NKD2: variants seen among roughly 807,000 people sequenced by gnomAD.
The protein encoded by NKD2 is NKD inhibitor of Wnt signaling pathway 2, also known as protein naked cuticle homolog 2.
Under a neutral mutation model 34.8 loss-of-function variants are expected in NKD2, and 43 were observed. The ratio of observed to expected loss-of-function variants is 1.24; its 90% confidence interval spans 0.97 to 1.60. The LOEUF is 1.60. NKD2 is among the 40% of genes most tolerant of loss of function. The pLI is 0.00. For synonymous variants in NKD2, 278 were observed against 265.1 expected (o/e 1.05, Z -0.47); for missense variants, 675 against 627.1 (o/e 1.08, Z -0.82).
intron 7 of NKD2, 46 bp from the exon 8 acceptor site, chr5:1,035,343 G>A (rs765392229): frequency 1.4e-6 from 2 of 1,422,532 alleles, no homozygotes; most frequent in East Asian, 2.5e-5. Context: ...AGTGAATGCT[G>A]AATGAAGGAG....
intron 3 of NKD2, among the ~76,000 whole-genome samples, chr5:1,022,285 T>C: frequency 8.5e-6 from 1 of 117,628 alleles, no homozygotes; most frequent in Non-Finnish European, 1.9e-5. Flanking sequence ...TCCCTGCTCT[T>C]CCCACCCGCT....
chr5:1,035,567 C>T (rs1290322154), intron 8 of NKD2, 94 bp downstream of exon 8: 4 of 987,406 alleles, frequency 4.1e-6, no homozygotes, highest in Admixed American at 2.1e-5. Context: ...ACAGGCCACA[C>T]ACCATCCTCT....
chr5:1,036,698 A>G (rs1579278565), intron 9 of NKD2: 7 of 546,252 alleles, frequency 1.3e-5, no homozygotes, highest in Non-Finnish European at 2.4e-5. Context: ...CATTCAGGGA[A>G]ACCCTGCCTT....
chr5:1,030,015 CG>C (rs796772102), intron 3 of NKD2, among the ~76,000 whole-genome samples: 3,172 of 96,950 alleles, frequency 0.033, 71 homozygotes, highest in Non-Finnish European at 0.044. Flanking sequence ...GATTGTGGTG[CG>C]GGGGGGGGGG....
At chr5:1,013,497 C>A (rs1487940082) in intron 3 of NKD2, among the ~76,000 whole-genome samples, 1 of 152,238 alleles carries the variant, frequency 6.6e-6, no homozygotes, top group Non-Finnish European at 1.5e-5. Flanking sequence ...GGTCATCCCC[C>A]CTTGTGGGAG....
chr5:1,020,663 G>A (rs1246339039), intron 3 of NKD2, among the ~76,000 whole-genome samples: 1 of 148,570 alleles, frequency 6.7e-6, no homozygotes, highest in African/African-American at 2.5e-5. Flanking sequence ...ACCACGTGTT[G>A]CTTGTCTTTT....
Position 1,038,574 on chromosome 5 carries a change from T to C in NKD2, c.*201T>C, listed in dbSNP as rs566092734. The C allele has an allele frequency of 2.7e-5, 28 of 1,039,488 alleles. No individual in the cohort carries two copies. The Admixed American group carries it at 3.0e-4, about 11-fold the overall frequency. The allele number at this position is 1,039,488 out of a possible 1,614,324, so 64.4% of individuals were successfully genotyped here. A position where few individuals can be genotyped will look rare whatever the true frequency, so the allele number is the denominator to read the frequency against. On this transcript the variant is annotated 3_prime_UTR_variant, in exon 10 of 10. Transcript: ENST00000296849. This position sits in a 1 kb window ranked among gnomAD's most constrained non-coding sequence, Gnocchi z 4.5. Reference sequence around the variant, plus strand: ...ACGTGGACAAGGCCCAGGCGCCCTCTGCTCTTCTGCCCTCGATGCCACATG... The same window carrying C: ...ACGTGGACAAGGCCCAGGCGCCCTCCGCTCTTCTGCCCTCGATGCCACATG...
intron 3 of NKD2, among the ~76,000 whole-genome samples, chr5:1,031,361 G>T (rs542870079): frequency 6.6e-6 from 1 of 152,306 alleles, no homozygotes; most frequent in South Asian, 2.1e-4. Context: ...CGTCCAGGTG[G>T]ACGGGACTGA....
chr5:1,014,693 G>T (rs1676033610), intron 3 of NKD2, among the ~76,000 whole-genome samples: 1 of 152,206 alleles, frequency 6.6e-6, no homozygotes, highest in South Asian at 2.1e-4. Context: ...GCTAGGGTTG[G>T]GGGTTCGGCT....
intron 3 of NKD2, among the ~76,000 whole-genome samples, chr5:1,020,180 G>T (rs1263910612): frequency 3.3e-5 from 5 of 152,178 alleles, no homozygotes; most frequent in Non-Finnish European, 7.3e-5. Flanking sequence ...CTAACATTCA[G>T]TGTCAGCACT....
Position 1,009,503 on chromosome 5 carries a change from G to T in NKD2, c.84G>T (p.Ala28=), listed in dbSNP as rs1247771031. 1.0e-5 allele frequency: 15 copies of T among 1,498,012 alleles called. No homozygotes were observed. Among genetic ancestry groups the T allele is most frequent in the Non-Finnish European group, 1.3e-5 (15 of 1,132,150 alleles). 92.8% of individuals were successfully genotyped at this position (1,498,012 alleles called of 1,614,324 possible). A position where few individuals can be genotyped will look rare whatever the true frequency, so the allele number is the denominator to read the frequency against. The part of the protein sequence containing the change: ...SPEGDSFVAS[A]YASGRKGAEE... The stretch of plus-strand genomic sequence containing the variant: ...CAGGGGACAGCTTCGTGGCGTCCGC[G>T]TACGCGAGCGGCCGCAAAGGCGCGG... The change falls in exon 3 of 10, where the codon GCG becomes GCT. Residue 28 remains alanine, a synonymous_variant. Transcript: ENST00000296849. The surrounding 1 kb of genome is among the most constrained non-coding windows in gnomAD (Gnocchi z 6.9).
chr5:1,034,912 G>T lies in NKD2; in HGVS notation c.574+9G>T. On this transcript the variant is annotated intron_variant, in intron 7 of 9. Coordinates refer to ENST00000296849, the MANE Select transcript of NKD2 (RefSeq NM_033120.4). ...TCCTCCTGCTGGCCAGGGTGAGTGA[G>T]GCCTGGGCACACACAGAGGACCCTA... 6.2e-7 allele frequency: 1 copy of T among 1,603,220 alleles called. No homozygotes were observed. Among genetic ancestry groups the T allele is most frequent in the Non-Finnish European group, 8.5e-7 (1 of 1,174,908 alleles).
At chr5:1,011,130 C>T (rs1755734998) in intron 3 of NKD2, among the ~76,000 whole-genome samples, 7 of 152,216 alleles carry the variant, frequency 4.6e-5, no homozygotes, top group African/African-American at 1.2e-4. Flanking sequence ...CTAATTTTGC[C>T]ATCATTTCAT....
rs1280264095 is a variant in NKD2 at position 1,038,635 on chromosome 5, C to A, written c.*262C>A. Reference sequence around the variant, plus strand: ...CATCTGAAGCCACTATGTTTCCTGGCTCTAAGGCTCGTCTGTGTAACCCAT... The same window carrying A: ...CATCTGAAGCCACTATGTTTCCTGGATCTAAGGCTCGTCTGTGTAACCCAT... On this transcript the variant is annotated 3_prime_UTR_variant, in exon 10 of 10. Coordinates refer to ENST00000296849, the MANE Select transcript of NKD2 (RefSeq NM_033120.4). This position sits in a 1 kb window ranked among gnomAD's most constrained non-coding sequence, Gnocchi z 4.5. 4.3e-6 allele frequency: 3 copies of A among 704,726 alleles called. No individual in the cohort carries two copies. Among genetic ancestry groups the A allele is most frequent in the Non-Finnish European group, 7.4e-6 (3 of 407,432 alleles). 43.7% of individuals were successfully genotyped at this position (704,726 alleles called of 1,614,324 possible). A position where few individuals can be genotyped will look rare whatever the true frequency, so the allele number is the denominator to read the frequency against.
At chr5:1,017,634 C>G (rs569550052) in intron 3 of NKD2, among the ~76,000 whole-genome samples, 8 of 151,648 alleles carry the variant, frequency 5.3e-5, no homozygotes, top group South Asian at 4.1e-4. Flanking sequence ...GGAGCCAGGA[C>G]CCCAAACCAG....
intron 4 of NKD2, among the ~76,000 whole-genome samples, chr5:1,033,056 C>T (rs1756707155): frequency 6.6e-6 from 1 of 152,116 alleles, no homozygotes; most frequent in South Asian, 2.1e-4. Context: ...CCAATGATGA[C>T]ACAGGGAGCA....
chr5:1,034,181 GGGCGTGTT>G (rs1360870603), intron 5 of NKD2, 46 bp from the exon 6 acceptor site: 1 of 1,271,032 alleles, frequency 7.9e-7, no homozygotes, highest in Non-Finnish European at 1.1e-6. Flanking sequence ...CTGTGGAGTT[GGGCGTGTT>G]GGCGTGGGTA....
At chr5:1,026,212 CATT>C (rs2150739147) in intron 3 of NKD2, among the ~76,000 whole-genome samples, 1 of 41,732 alleles carries the variant, frequency 2.4e-5, no homozygotes, top group Non-Finnish European at 7.3e-5. Context: ...CGTCTCAGCC[CATT>C]GTCCCTGCTC....
In NKD2 at chr5:1,033,367, C is replaced by A; in HGVS notation, c.203-5C>A. On this transcript the variant is annotated splice_region_variant and splice_polypyrimidine_tract_variant and intron_variant, in intron 4 of 9. Transcript: ENST00000296849. Reference sequence around the variant, plus strand: ...CAGCCCCTTCGCCTCCTCTTGTCCCCCTAGTGGCACTCCCCGCTGAGAAAG... The same window carrying A: ...CAGCCCCTTCGCCTCCTCTTGTCCCACTAGTGGCACTCCCCGCTGAGAAAG... 6.3e-7 allele frequency: 1 copy of A among 1,596,302 alleles called. No individual in the cohort carries two copies.
Sources: allele counts gnomAD v4.1 joint callset (sites outside exome capture counted in the v4.1 genomes callset), GRCh38; gene constraint gnomAD v4.1.1; non-coding constraint Gnocchi (gnomAD v3.1); transcripts MANE v1.5; gene names NCBI Gene and HGNC (gene_info 2026-07-23, HGNC 2026-07-21).